The following ZMYM2 variants were observed in gnomAD, a reference collection of about 807,000 sequenced individuals.
The protein encoded by ZMYM2 is zinc finger MYM-type containing 2, also known as zinc finger MYM-type protein 2.
In ZMYM2, 56 loss-of-function variants were observed where a neutral mutation model predicts 162.8. That is an observed-to-expected ratio of 0.34 (90% CI 0.28 to 0.43). The LOEUF (loss-of-function observed/expected upper bound fraction) is 0.43. ZMYM2 is among the 20% of genes least tolerant of loss of function. The probability of loss-of-function intolerance (pLI) is 1.00; values close to 1 mark genes in which losing one functional copy is unlikely to be tolerated. For missense variants in ZMYM2, 1,275 were observed against 1,621.8 expected, an observed-to-expected ratio of 0.79 and a Z score of 3.67; for synonymous variants, 510 against 541.6, an observed-to-expected ratio of 0.94 and a Z score of 0.81.
chr13:19,990,533 A>G (rs928415992), intron 2 of ZMYM2, among the ~76,000 whole-genome samples: 1 of 152,162 alleles, frequency 6.6e-6, no homozygotes. Context: ...TGATCACCAA[A>G]CTAGTTATCT....
At chr13:20,038,791 GT>G (rs546076159) in intron 12 of ZMYM2, among the ~76,000 whole-genome samples, 108 of 142,980 alleles carry the variant, frequency 7.6e-4, no homozygotes, top group Middle Eastern at 7.5e-3. Flanking sequence ...GATTTTAAAA[GT>G]TTTTTTTTTT....
At chr13:19,972,256 A>G (rs1956396500) in intron 2 of ZMYM2, among the ~76,000 whole-genome samples, 1 of 152,192 alleles carries the variant, frequency 6.6e-6, no homozygotes, top group Admixed American at 6.5e-5. Flanking sequence ...TTAGGTATCT[A>G]ATAGAGATAT....
At chr13:19,900,459 A>C in the ZMYM2 span, among the ~76,000 whole-genome samples, 16,512 of 152,244 alleles carry the variant, frequency 0.11, 1,049 homozygotes, top group Middle Eastern at 0.14. Context: ...TTAAAACTTC[A>C]AAAAGCCTAG....
intron 17 of ZMYM2, 125 bp downstream of exon 17, chr13:20,061,349 AACAAAAAT>A: frequency 1.2e-6 from 1 of 864,354 alleles, no homozygotes; most frequent in South Asian, 5.8e-5. Context: ...AAAGCATTGT[AACAAAAAT>A]GTTTTTTATA....
intron 7 of ZMYM2, among the ~76,000 whole-genome samples, chr13:20,020,612 C>T (rs1340078067): frequency 2.6e-5 from 4 of 152,202 alleles, no homozygotes; most frequent in African/African-American, 9.6e-5. Context: ...CACTTTCCCA[C>T]AGTCACTGAG....
intron 2 of ZMYM2, among the ~76,000 whole-genome samples, chr13:19,978,246 C>T (rs1274340888): frequency 1.3e-5 from 2 of 152,044 alleles, no homozygotes; most frequent in Non-Finnish European, 2.9e-5. Context: ...ATGGATAGAA[C>T]CACCAAACAG....
At chr13:19,891,295 C>T in the ZMYM2 span, among the ~76,000 whole-genome samples, 901 of 151,942 alleles carry the variant, frequency 5.9e-3, 21 homozygotes, top group African/African-American at 0.021. Flanking sequence ...GTGTGACCAT[C>T]TGTAAACCAC....
At chr13:20,048,163 A>G (rs1954989423) in intron 12 of ZMYM2, among the ~76,000 whole-genome samples, 1 of 152,024 alleles carries the variant, frequency 6.6e-6, no homozygotes, top group African/African-American at 2.4e-5. Flanking sequence ...CCAAAGAAGT[A>G]ATGAATGGTG....
At chr13:19,973,723 C>A (rs187876014) in intron 2 of ZMYM2, among the ~76,000 whole-genome samples, 2,010 of 149,162 alleles carry the variant, frequency 0.013, 38 homozygotes, top group African/African-American at 0.046. Context: ...AGAAAAAAAA[C>A]CCAACACAAT....
At chr13:20,032,663 C>G (rs927110601) in intron 10 of ZMYM2, among the ~76,000 whole-genome samples, 5 of 118,784 alleles carry the variant, frequency 4.2e-5, no homozygotes, top group Non-Finnish European at 6.4e-5. Flanking sequence ...GGCTGGAGTA[C>G]AATGGCGTGA....
intron 2 of ZMYM2, among the ~76,000 whole-genome samples, chr13:19,963,296 G>T (rs1359380710): frequency 1.3e-5 from 2 of 152,132 alleles, no homozygotes; most frequent in East Asian, 3.8e-4. Context: ...ACTTCAGTTG[G>T]TTAATTTTCT....
At chr13:20,018,172 A>G (rs942571914) in intron 6 of ZMYM2, among the ~76,000 whole-genome samples, 4 of 152,186 alleles carry the variant, frequency 2.6e-5, no homozygotes, top group Non-Finnish European at 5.9e-5. Context: ...TTCCCCACAT[A>G]ATCTCTACTG....
intron 20 of ZMYM2, 93 bp downstream of exon 20, chr13:20,067,112 T>A (rs777068101): frequency 7.2e-7 from 1 of 1,395,348 alleles, no homozygotes; most frequent in Non-Finnish European, 9.5e-7. Flanking sequence ...TAAATGTAAC[T>A]TAAAATACCT....
At chr13:19,971,010 A>G (rs2038690) in intron 2 of ZMYM2, among the ~76,000 whole-genome samples, 104,579 of 151,612 alleles carry the variant, frequency 0.69, 41,167 homozygotes, top group Non-Finnish European at 0.86. Context: ...GAACTCTTCC[A>G]CAGCCTGAAA....
intron 2 of ZMYM2, among the ~76,000 whole-genome samples, chr13:19,976,654 C>A (rs1194481942): frequency 6.6e-6 from 1 of 152,198 alleles, no homozygotes. Flanking sequence ...TAAGTGGAAT[C>A]CTGCAGTATT....
the ZMYM2 span, among the ~76,000 whole-genome samples, chr13:19,946,716 A>T: frequency 2.0e-5 from 3 of 152,232 alleles, no homozygotes; most frequent in Non-Finnish European, 4.4e-5. Context: ...ACTCCCAGTT[A>T]ACATTTGTGG....
chr13:20,039,473 GTT>G (rs71070289), intron 12 of ZMYM2, among the ~76,000 whole-genome samples: 1,492 of 101,198 alleles, frequency 0.015, 12 homozygotes, highest in African/African-American at 0.036. Context: ...TTTATTGAGA[GTT>G]TTTTTTTTTT....
intron 6 of ZMYM2, among the ~76,000 whole-genome samples, chr13:20,015,152 T>G (rs560497166): frequency 7.2e-5 from 11 of 152,352 alleles, no homozygotes; most frequent in African/African-American, 2.4e-4. Context: ...CTTTTGGTAT[T>G]CTTTTAGTTT....
At chr13:20,053,607 G>A (rs949757721) in intron 14 of ZMYM2, among the ~76,000 whole-genome samples, 4 of 152,066 alleles carry the variant, frequency 2.6e-5, no homozygotes, top group African/African-American at 9.7e-5. Context: ...AGCCAAGATC[G>A]CGCCACTGCA....
Sources: gnomAD v4.1 joint callset for allele counts (sites outside exome capture counted in the v4.1 genomes callset) on GRCh38, gnomAD v4.1.1 for gene constraint, MANE v1.5 for transcripts, NCBI Gene and HGNC (gene_info 2026-07-23, HGNC 2026-07-21) for gene names.